VEZT: variants seen among roughly 807,000 people sequenced by gnomAD.
VEZT encodes vezatin.
Under a neutral mutation model 79.9 loss-of-function variants are expected in VEZT, and 39 were observed. The ratio of observed to expected loss-of-function variants is 0.49; its 90% CI spans 0.38 to 0.64. The LOEUF is 0.64. VEZT is among the 30% of genes least tolerant of loss of function. The pLI is 0.00. For missense variants in VEZT, 837 were observed against 893.1 expected (o/e 0.94, Z 0.80); for synonymous variants, 325 against 327.6 (o/e 0.99, Z 0.09).
At position 95,300,494 on chromosome 12, in the gene VEZT, T is replaced by C; in HGVS notation, c.2161T>C (p.Ser721Pro). The C allele has an allele frequency of 6.2e-7, 1 of 1,613,930 alleles. No individual in the cohort carries two copies. The highest frequency in any genetic ancestry group is 8.5e-7 in the Non-Finnish European group (1 of 1,179,876). Residue 721 changes from serine (S) to proline (P), a missense_variant, in exon 12 of 12, where the codon TCC (serine) becomes CCC (proline). Transcript: ENST00000436874. ...PPTPRDSLQP[S>P]IKQRLARLQL... ...AACTCCCAGGGACTCATTACAGCCCTCCATTAAGCAGAGGCTGGCACGGCT... is the reference window on the plus strand; with the variant it reads ...AACTCCCAGGGACTCATTACAGCCCCCCATTAAGCAGAGGCTGGCACGGCT...
intron 10 of VEZT, 138 bp from the exon 11 acceptor site, chr12:95,295,913 C>T: frequency 4.8e-6 from 3 of 629,460 alleles, no homozygotes; most frequent in East Asian, 3.0e-5. Flanking sequence ...TTTTCTTTTC[C>T]TAGCTCTGCT....
intron 1 of VEZT, among the ~76,000 whole-genome samples, chr12:95,241,364 C>G (rs537255545): frequency 2.0e-4 from 31 of 152,040 alleles, no homozygotes; most frequent in Admixed American, 5.2e-4. Flanking sequence ...TGTTTTGAGA[C>G]GAGTCTTGCA....
At chr12:95,288,176 A>T (rs2139540103) in intron 9 of VEZT, among the ~76,000 whole-genome samples, 1 of 152,280 alleles carries the variant, frequency 6.6e-6, no homozygotes, top group South Asian at 2.1e-4. Context: ...TTCAGTTAGG[A>T]TAATAAAAGA....
intron 1 of VEZT, among the ~76,000 whole-genome samples, chr12:95,248,627 ACT>A (rs1416773444): frequency 1.3e-5 from 2 of 151,984 alleles, no homozygotes; most frequent in East Asian, 1.9e-4. Flanking sequence ...ACTCATCTTG[ACT>A]CTCTAAGTCT....
intron 1 of VEZT, among the ~76,000 whole-genome samples, chr12:95,234,284 CTTTTTTTTTT>C: frequency 8.1e-6 from 1 of 122,930 alleles, no homozygotes; most frequent in Non-Finnish European, 1.7e-5. Context: ...TATCAATAAT[CTTTTTTTTTT>C]TTTTTTTTTT....
intron 8 of VEZT, chr12:95,286,292 G>A (rs901715811): frequency 3.1e-5 from 11 of 359,938 alleles, no homozygotes; most frequent in African/African-American, 6.6e-5. Context: ...GTGCCTGACC[G>A]CAAATTTTAC....
rs769460106 is a variant in VEZT, at chr12:95,262,901, G to T, written c.259-5G>T. Reference sequence around the variant, plus strand: ...ATACCTCTCTTCTGGTATTTTAATGGCAAGGATATTGGATTCCGACTCGAC... The same window carrying T: ...ATACCTCTCTTCTGGTATTTTAATGTCAAGGATATTGGATTCCGACTCGAC... On this transcript the variant is annotated splice_polypyrimidine_tract_variant and splice_region_variant and intron_variant, in intron 3 of 11. Transcript: ENST00000436874. 6.4e-7 allele frequency: 1 copy of T among 1,567,982 alleles called. No individual in the cohort carries two copies. The highest frequency in any genetic ancestry group is 1.9e-4 in the Middle Eastern group (1 of 5,396).
At chr12:95,294,202 A>G in intron 9 of VEZT, 70 bp from the exon 10 acceptor site, 12 of 1,342,488 alleles carry the variant, frequency 8.9e-6, no homozygotes, top group Non-Finnish European at 1.2e-5. Context: ...GGTGTTTTTA[A>G]TTAGATGTTC....
At chr12:95,272,464 A>G (rs2066819172) in intron 6 of VEZT, among the ~76,000 whole-genome samples, 2 of 152,222 alleles carry the variant, frequency 1.3e-5, no homozygotes, top group Admixed American at 1.3e-4. Flanking sequence ...TGAGTTGAGC[A>G]CAGTAAGTTG....
rs1398432680 is a variant in VEZT, at chr12:95,221,938, T to G, written c.36+4052T>G. 2.0e-5 allele frequency among the ~76,000 whole-genome samples: 3 copies of G among 152,232 alleles called. No individual in the cohort carries two copies. In the East Asian group the frequency reaches 5.8e-4, roughly 29 times the overall value. On this transcript the variant is annotated intron_variant, in intron 1 of 11. Transcript: ENST00000436874. The stretch of plus-strand genomic sequence containing the variant: ...ATAGTGTTCACATTGTATTAGGTAT[T>G]ACAAATAATCTAGAGATGATTTAAA...
chr12:95,231,743 A>G (rs1263899102), intron 1 of VEZT, among the ~76,000 whole-genome samples: 11 of 152,192 alleles, frequency 7.2e-5, no homozygotes, highest in Admixed American at 7.2e-4. Context: ...TTAATATCCT[A>G]TGATATTATC....
intron 7 of VEZT, among the ~76,000 whole-genome samples, chr12:95,276,743 G>T (rs2067870677): frequency 6.6e-6 from 1 of 152,152 alleles, no homozygotes; most frequent in Admixed American, 6.5e-5. Flanking sequence ...TTTTGAGACT[G>T]TATTGACTTC....
chr12:95,286,627 A>G, intron 8 of VEZT: 2 of 436,400 alleles, frequency 4.6e-6, no homozygotes, highest in East Asian at 1.1e-4. Flanking sequence ...GAAATGCTTC[A>G]ATTAACTCTG....
intron 1 of VEZT, among the ~76,000 whole-genome samples, chr12:95,223,067 TAAGAA>T (rs1247323704): frequency 6.6e-6 from 1 of 152,212 alleles, no homozygotes; most frequent in Admixed American, 6.5e-5. Flanking sequence ...CTGGATAACC[TAAGAA>T]ATCCTAGGTC....
At chr12:95,218,048 C>T (rs74792623) in intron 1 of VEZT, 162 bp downstream of exon 1, 80,677 of 597,980 alleles carry the variant, frequency 0.13, 6,268 homozygotes, top group Non-Finnish European at 0.16. Flanking sequence ...TCCGTCGTCG[C>T]CTGACAGGTG....
intron 9 of VEZT, among the ~76,000 whole-genome samples, chr12:95,292,949 C>CA (rs1335654867): frequency 6.8e-6 from 1 of 147,518 alleles, no homozygotes; most frequent in East Asian, 2.1e-4. Flanking sequence ...CTCCCGGGTT[C>CA]AAACGATTCT....
intron 1 of VEZT, among the ~76,000 whole-genome samples, chr12:95,232,760 A>G (rs2059439348): frequency 6.6e-6 from 1 of 152,078 alleles, no homozygotes; most frequent in Admixed American, 6.6e-5. Flanking sequence ...GAAGTAGAGC[A>G]TTAGTTTTTG....
chr12:95,221,891 A>G (rs1204041578), intron 1 of VEZT, among the ~76,000 whole-genome samples: 1 of 152,158 alleles, frequency 6.6e-6, no homozygotes, highest in Non-Finnish European at 1.5e-5. Flanking sequence ...TAAAAAAACT[A>G]TACAGGATAA....
chr12:95,254,209 T>C (rs1378061421), intron 2 of VEZT, among the ~76,000 whole-genome samples: 7 of 151,750 alleles, frequency 4.6e-5, no homozygotes, highest in African/African-American at 1.7e-4. Flanking sequence ...CCCAGGTTGG[T>C]CTCAAACTCC....
Sources: allele counts gnomAD v4.1 joint callset (sites outside exome capture counted in the v4.1 genomes callset), GRCh38; gene constraint gnomAD v4.1.1; transcripts MANE v1.5; gene names NCBI Gene and HGNC (gene_info 2026-07-23, HGNC 2026-07-21).